FNIP2: variants seen among roughly 807,000 people sequenced by gnomAD.
FNIP2 encodes folliculin-interacting protein 2.
Under a neutral mutation model 108.7 loss-of-function variants are expected in FNIP2, and 32 were observed. That is an observed-to-expected ratio of 0.29 (90% CI 0.22 to 0.40). The LOEUF (loss-of-function observed/expected upper bound fraction) is 0.40, where lower values mean the gene tolerates loss of function less well. Ranked by LOEUF, FNIP2 falls within the 10% of genes least tolerant of loss-of-function variation. The pLI is 1.00. For missense variants in FNIP2, 1,202 were observed against 1,381.6 expected, an observed-to-expected ratio of 0.87 and a Z score of 2.06; for synonymous variants, 480 against 496.7, an observed-to-expected ratio of 0.97 and a Z score of 0.45.
At chr4:158,889,973 G>C in intron 14 of FNIP2, 3 of 985,378 alleles carry the variant, frequency 3.0e-6, no homozygotes, top group Non-Finnish European at 3.6e-6. Context: ...ATATGCATGT[G>C]TAAGAAGCGT....
At chr4:158,882,197 C>G (rs149170475) in intron 14 of FNIP2, among the ~76,000 whole-genome samples, 42,693 of 150,344 alleles carry the variant, frequency 0.28, 6,567 homozygotes, top group Non-Finnish European at 0.37. Context: ...AGCAGCCGCC[C>G]CGTCTGAGAA....
At chr4:158,801,878 T>C (rs1298003306) in intron 1 of FNIP2, among the ~76,000 whole-genome samples, 1 of 152,188 alleles carries the variant, frequency 6.6e-6, no homozygotes, top group African/African-American at 2.4e-5. Context: ...TGTTAGGAAC[T>C]ATCCATGGTC....
chr4:158,839,436 C>T (rs1430229679), intron 7 of FNIP2, among the ~76,000 whole-genome samples: 5 of 152,124 alleles, frequency 3.3e-5, no homozygotes, highest in Non-Finnish European at 7.4e-5. Flanking sequence ...TAGCTCACTG[C>T]ATCACTGCAG....
At chr4:158,798,008 A>G (rs774583799) in intron 1 of FNIP2, among the ~76,000 whole-genome samples, 2 of 151,924 alleles carry the variant, frequency 1.3e-5, no homozygotes, top group African/African-American at 4.8e-5. Flanking sequence ...AACTATTTAC[A>G]CTGACAGCCT....
At chr4:158,884,267 T>C (rs1781893667) in intron 14 of FNIP2, among the ~76,000 whole-genome samples, 1 of 152,162 alleles carries the variant, frequency 6.6e-6, no homozygotes, top group African/African-American at 2.4e-5. Context: ...TCACCACAGC[T>C]AGAATGTATT....
At chr4:158,860,412 G>A (rs974258230) in intron 10 of FNIP2, among the ~76,000 whole-genome samples, 6 of 151,204 alleles carry the variant, frequency 4.0e-5, no homozygotes, top group Non-Finnish European at 8.8e-5. Context: ...GAGCAAAATC[G>A]CAAGCCTTTT....
At chr4:158,779,405 A>G (rs1490816677) in intron 1 of FNIP2, among the ~76,000 whole-genome samples, 2 of 152,246 alleles carry the variant, frequency 1.3e-5, no homozygotes, top group South Asian at 2.1e-4. Context: ...TAAAATGTTT[A>G]TGTTAAATGA....
At chr4:158,805,007 A>C (rs1439616827) in intron 1 of FNIP2, among the ~76,000 whole-genome samples, 2 of 152,192 alleles carry the variant, frequency 1.3e-5, no homozygotes, top group Non-Finnish European at 2.9e-5. Context: ...TTTAGGGATT[A>C]TATATATAAG....
chr4:158,889,832 G>T, intron 14 of FNIP2: 2 of 982,758 alleles, frequency 2.0e-6, no homozygotes, highest in Non-Finnish European at 2.4e-6. Flanking sequence ...ATAAGGACCA[G>T]ACTCATTGAT....
intron 16 of FNIP2, among the ~76,000 whole-genome samples, chr4:158,900,802 G>C (rs182103463): frequency 6.5e-4 from 99 of 152,276 alleles, no homozygotes; most frequent in Non-Finnish European, 1.3e-4. Flanking sequence ...GCCAGTCTGT[G>C]TCTTTTAATT....
chr4:158,771,445 G>T (rs1014818606), intron 1 of FNIP2, among the ~76,000 whole-genome samples: 3 of 152,330 alleles, frequency 2.0e-5, no homozygotes, highest in South Asian at 4.1e-4. Flanking sequence ...CTAAAAAATT[G>T]TGAACCTGTG....
At position 158,866,221 on chromosome 4, in the gene FNIP2, C is replaced by CTTTTTTTTTTTTTTTTTT. The variant is rs34074378; in HGVS notation, c.1466-1866_1466-1865insTTTTTTTTTTTTTTTTTT. Reference sequence around the variant, plus strand: ...GATTTGTTCCAATATTCTGGTTATTCTTTTTTTTTTTTTTTGAGACAGAGT... The same window carrying CTTTTTTTTTTTTTTTTTT: ...GATTTGTTCCAATATTCTGGTTATTCTTTTTTTTTTTTTTTTTTTTTTTTTTTTTTTTTGAGACAGAGT... On this transcript the variant is annotated intron_variant, in intron 12 of 16. Coordinates refer to ENST00000264433, the MANE Select transcript of FNIP2 (RefSeq NM_020840.3). 2.4e-3 allele frequency among the ~76,000 whole-genome samples: 145 copies of CTTTTTTTTTTTTTTTTTT among 59,780 alleles called. 51 individuals are homozygous for CTTTTTTTTTTTTTTTTTT. Among genetic ancestry groups the CTTTTTTTTTTTTTTTTTT allele is most frequent in the Non-Finnish European group, 3.0e-3 (108 of 35,740 alleles). 39.2% of individuals were successfully genotyped at this position (59,780 alleles called of 152,430 possible).
In FNIP2 at chr4:158,869,287, A is replaced by G; in HGVS notation, c.2651A>G (p.Glu884Gly). 1.2e-6 allele frequency: 2 copies of G among 1,613,970 alleles called. No individual in the cohort carries two copies. Among genetic ancestry groups the G allele is most frequent in the Non-Finnish European group, 1.7e-6 (2 of 1,179,884 alleles). ...DDNKKANFRT[E>G]GDIPRNESSD... Reference sequence around the variant, plus strand: ...AACAAGAAGGCCAACTTCAGGACTGAAGGAGACATTCCCCGAAATGAAAGC... The same window carrying G: ...AACAAGAAGGCCAACTTCAGGACTGGAGGAGACATTCCCCGAAATGAAAGC... The change falls in exon 13 of 17, where the codon GAA (glutamate) becomes GGA (glycine). Residue 884 changes from glutamate (E) to glycine (G), a missense_variant. Physicochemically the swap from Glu to Gly is moderately conservative, Grantham distance 98. Transcript: ENST00000264433.
At chr4:158,864,596 C>T (rs1322432724) in intron 12 of FNIP2, among the ~76,000 whole-genome samples, 1 of 151,622 alleles carries the variant, frequency 6.6e-6, no homozygotes, top group East Asian at 1.9e-4. Flanking sequence ...CTATATAGTC[C>T]CCTACCTCTC....
intron 13 of FNIP2, among the ~76,000 whole-genome samples, chr4:158,870,058 T>C (rs1364198295): frequency 2.0e-5 from 3 of 152,236 alleles, no homozygotes; most frequent in Non-Finnish European, 2.9e-5. Flanking sequence ...TGACACAGAC[T>C]GCCTGGTGGA....
chr4:158,896,310 G>A (rs1031638466), intron 16 of FNIP2, among the ~76,000 whole-genome samples: 1 of 152,124 alleles, frequency 6.6e-6, no homozygotes, highest in African/African-American at 2.4e-5. Context: ...GCCTGCCTGC[G>A]TGTCTGTGGG....
chr4:158,848,079 A>G (rs1395166272), intron 7 of FNIP2, among the ~76,000 whole-genome samples: 1 of 152,212 alleles, frequency 6.6e-6, no homozygotes, highest in East Asian at 1.9e-4. Flanking sequence ...CTTTGAGGGA[A>G]GGACACAAGC....
At chr4:158,884,019 C>G (rs1781876411) in intron 14 of FNIP2, among the ~76,000 whole-genome samples, 1 of 144,302 alleles carries the variant, frequency 6.9e-6, no homozygotes, top group South Asian at 2.2e-4. Context: ...TGCCCCCCTT[C>G]AGGAGAAATG....
chr4:158,811,550 A>C (rs1370824662), intron 1 of FNIP2, among the ~76,000 whole-genome samples: 2 of 115,364 alleles, frequency 1.7e-5, no homozygotes, highest in African/African-American at 5.8e-5. Context: ...TTTAAATAAT[A>C]TTAATTAATA....
Sources: allele counts gnomAD v4.1 joint callset (sites outside exome capture counted in the v4.1 genomes callset), GRCh38; gene constraint gnomAD v4.1.1; transcripts MANE v1.5; gene names NCBI Gene and HGNC (gene_info 2026-07-23, HGNC 2026-07-21).